CHKA: variants seen among roughly 807,000 people sequenced by gnomAD.
CHKA encodes the protein CHETK-alpha.
Under a neutral mutation model 60.1 loss-of-function variants are expected in CHKA, and 34 were observed. The observed-to-expected ratio is 0.57, with a 90% CI of 0.43 to 0.75. CHKA has a LOEUF of 0.75. Among genes scored for constraint, CHKA ranks in the 30% least tolerant of loss-of-function variants. CHKA has a pLI of 0.00. For missense variants in CHKA, 563 were observed against 561.3 expected, an observed-to-expected ratio of 1.00 and a Z score of -0.03; for synonymous variants, 217 against 223.1, an observed-to-expected ratio of 0.97 and a Z score of 0.24.
At chr11:68,116,294 T>C (rs1394705653) in intron 1 of CHKA, among the ~76,000 whole-genome samples, 1 of 152,116 alleles carries the variant, frequency 6.6e-6, no homozygotes, top group Non-Finnish European at 1.5e-5. Context: ...AACTCTAAGC[T>C]GGGTGTGGTG....
intron 1 of CHKA, among the ~76,000 whole-genome samples, chr11:68,099,042 TA>T (rs756831553): frequency 2.0e-5 from 3 of 152,136 alleles, no homozygotes; most frequent in Non-Finnish European, 4.4e-5. Flanking sequence ...ACATGAAACT[TA>T]AAAACATTAT....
At chr11:68,073,638 T>C (rs1856693858) in intron 4 of CHKA, among the ~76,000 whole-genome samples, 1 of 152,190 alleles carries the variant, frequency 6.6e-6, no homozygotes, top group Non-Finnish European at 1.5e-5. Context: ...TAGAAGAGGA[T>C]ACCTCTTCTG....
At chr11:68,073,613 A>G (rs1245458721) in intron 4 of CHKA, among the ~76,000 whole-genome samples, 1 of 152,244 alleles carries the variant, frequency 6.6e-6, no homozygotes, top group Non-Finnish European at 1.5e-5. Flanking sequence ...ACAGACGGAC[A>G]GTGCCACTGT....
chr11:68,084,858 T>C (rs867147250), intron 2 of CHKA, among the ~76,000 whole-genome samples: 1 of 152,086 alleles, frequency 6.6e-6, no homozygotes, highest in Non-Finnish European at 1.5e-5. Context: ...GGGTTCATTA[T>C]ACTCTTCTAC....
At chr11:68,103,072 G>A (rs1035086409) in intron 1 of CHKA, among the ~76,000 whole-genome samples, 5 of 152,138 alleles carry the variant, frequency 3.3e-5, no homozygotes, top group Non-Finnish European at 7.4e-5. Flanking sequence ...AGAGTTTGAG[G>A]CTGAAGTAAG....
In CHKA at chr11:68,121,213, A is replaced by G; in HGVS notation, c.-36T>C. 1.8e-6 allele frequency: 2 copies of G among 1,142,054 alleles called. No homozygotes were observed. The highest frequency in any genetic ancestry group is 5.2e-5 in the East Asian group (1 of 19,126). The allele number at this position is 1,142,054 out of a possible 1,614,324, so 70.7% of individuals were successfully genotyped here. A position where few individuals can be genotyped will look rare whatever the true frequency, so the allele number is the denominator to read the frequency against. ...CGGCCGAGGAGGCGCGGGCGGCCGCAGCGCGAGAGGACTAGGCTCAGAGTC... is the reference window on the plus strand; with the variant it reads ...CGGCCGAGGAGGCGCGGGCGGCCGCGGCGCGAGAGGACTAGGCTCAGAGTC... On this transcript the variant is annotated 5_prime_UTR_variant, in exon 1 of 12. Transcript: ENST00000265689.
At chr11:68,103,526 CAG>C (rs932546435) in intron 1 of CHKA, among the ~76,000 whole-genome samples, 1 of 151,706 alleles carries the variant, frequency 6.6e-6, no homozygotes, top group African/African-American at 2.4e-5. Context: ...TAAGTTAGTA[CAG>C]ATATGAAAAA....
At chr11:68,114,690 C>G (rs1858318568) in intron 1 of CHKA, among the ~76,000 whole-genome samples, 1 of 149,036 alleles carries the variant, frequency 6.7e-6, no homozygotes, top group Non-Finnish European at 1.5e-5. Context: ...GAGCGAGACT[C>G]TGTCTCGGGA....
chr11:68,076,965 C>T (rs1036010694), intron 3 of CHKA, among the ~76,000 whole-genome samples: 7 of 152,082 alleles, frequency 4.6e-5, no homozygotes, highest in Non-Finnish European at 7.4e-5. Flanking sequence ...AGGCCGGGTG[C>T]GGTGGCTCAC....
chr11:68,120,915 C>A lies in CHKA; in HGVS notation c.263G>T (p.Arg88Leu). The change falls in exon 1 of 12, where the codon CGG becomes CTG. Residue 88 changes from arginine to leucine, a missense_variant. Transcript: ENST00000265689. ...CTTGCACCACAGATAGGCCCTGCGC[C>A]GCGTCCGGGGCTCCGGCTGCTCGTC... The part of the protein sequence containing the change: ...PADEQPEPRT[R>L]RRAYLWCKEF... 8.1e-7 allele frequency: 1 copy of A among 1,230,574 alleles called. No homozygotes were observed. The highest frequency in any genetic ancestry group is 1.0e-6 in the Non-Finnish European group (1 of 977,268). The allele number at this position is 1,230,574 out of a possible 1,614,324, so 76.2% of individuals were successfully genotyped here. A position where few individuals can be genotyped will look rare whatever the true frequency, so the allele number is the denominator to read the frequency against.
intron 7 of CHKA, among the ~76,000 whole-genome samples, 197 bp downstream of exon 7, chr11:68,068,682 T>C (rs764907586): frequency 2.6e-4 from 39 of 152,140 alleles, no homozygotes; most frequent in Non-Finnish European, 4.7e-4. Context: ...CCTCCCAAAG[T>C]GCTGGGATTA....
chr11:68,084,341 T>C (rs1857096341), intron 2 of CHKA, among the ~76,000 whole-genome samples: 1 of 139,584 alleles, frequency 7.2e-6, no homozygotes, highest in Non-Finnish European at 1.6e-5. Context: ...TATACGTATA[T>C]ATATGTGTAT....
intron 11 of CHKA, among the ~76,000 whole-genome samples, chr11:68,057,388 C>T (rs1031082106): frequency 1.3e-5 from 2 of 152,098 alleles, no homozygotes; most frequent in Non-Finnish European, 2.9e-5. Flanking sequence ...GGCATGATCT[C>T]GGCTCAATGC....
chr11:68,070,875 G>C lies in CHKA; in HGVS notation c.631-18C>G. 6.3e-7 allele frequency: 1 copy of C among 1,599,660 alleles called. No homozygotes were observed. The highest frequency in any genetic ancestry group is 8.5e-7 in the Non-Finnish European group (1 of 1,169,808). ...CGCCGGCTCTGAAAAAGAAAAGGGAGTTAAAAACTGACATTTACCAAGTAA... is the reference window on the plus strand; with the variant it reads ...CGCCGGCTCTGAAAAAGAAAAGGGACTTAAAAACTGACATTTACCAAGTAA... On this transcript the variant is annotated intron_variant, in intron 4 of 11. Coordinates refer to ENST00000265689, the MANE Select transcript of CHKA (RefSeq NM_001277.3).
chr11:68,088,091 C>T (rs765086474), intron 2 of CHKA, among the ~76,000 whole-genome samples: 17 of 105,040 alleles, frequency 1.6e-4, no homozygotes, highest in Non-Finnish European at 3.0e-4. Flanking sequence ...CTAGCTTGGG[C>T]GACAGTGGGA....
rs765020510 is a variant in CHKA at position 68,065,825 on chromosome 11, G to GA, written c.1085dup (p.Arg363GlnfsTer27). ...TGGGATACTTCCGGATGTTTGCTCT[G>GA]AAAAAAGGGTATTTTTCATAGCTAT... On this transcript the variant is annotated frameshift_variant, in exon 9 of 12. Coordinates refer to ENST00000265689, the MANE Select transcript of CHKA (RefSeq NM_001277.3). LOFTEE classifies it high-confidence loss of function. 1.2e-6 allele frequency: 2 copies of GA among 1,605,252 alleles called. No homozygotes were observed. The highest frequency in any genetic ancestry group is 1.7e-5 in the Admixed American group (1 of 59,828).
intron 10 of CHKA, among the ~76,000 whole-genome samples, chr11:68,063,492 C>A (rs1178936530): frequency 1.6e-4 from 23 of 143,996 alleles, no homozygotes; most frequent in African/African-American, 3.1e-4. Flanking sequence ...GACTCCATCT[C>A]AAAAAAAAAA....
chr11:68,055,201 T>C (rs1450162230), intron 11 of CHKA, among the ~76,000 whole-genome samples: 1 of 152,150 alleles, frequency 6.6e-6, no homozygotes, highest in Admixed American at 6.5e-5. Context: ...GAGACCAGAC[T>C]GGTCAACACG....
chr11:68,109,681 G>C (rs935516839), intron 1 of CHKA, among the ~76,000 whole-genome samples: 11 of 152,204 alleles, frequency 7.2e-5, no homozygotes, highest in African/African-American at 2.7e-4. Context: ...GGCTGGATGT[G>C]GTGGCTCGTG....
Sources: allele counts gnomAD v4.1 joint callset (sites outside exome capture counted in the v4.1 genomes callset), GRCh38; gene constraint gnomAD v4.1.1; transcripts MANE v1.5; gene names NCBI Gene and HGNC (gene_info 2026-07-23, HGNC 2026-07-21).